Variants in CELF6 observed in about 807,000 individuals in gnomAD.
The protein encoded by CELF6 is Bruno -like 6, RNA binding protein.
CELF6 carries 32 observed loss-of-function variants against 53.1 expected under a neutral mutation model. The observed-to-expected ratio is 0.60, with a 90% CI of 0.46 to 0.81. The LOEUF is 0.81. Among genes scored for constraint, CELF6 ranks in the 30% least tolerant of loss-of-function variants. CELF6 has a pLI of 0.00. For synonymous variants in CELF6, 291 were observed against 288.8 expected, an observed-to-expected ratio of 1.01 and a Z score of -0.08; for missense variants, 539 against 669.5, an observed-to-expected ratio of 0.81 and a Z score of 2.15.
In CELF6 at chr15:72,319,339, C is replaced by A. The variant is rs1595788662; in HGVS notation, c.262+274G>T. Among the ~76,000 whole-genome samples the A allele has an allele frequency of 6.6e-6, 1 of 152,048 alleles. No homozygotes were observed. The highest frequency in any genetic ancestry group is 2.4e-5 in the African/African-American group (1 of 41,454). On this transcript the variant is annotated intron_variant, in intron 1 of 12. Coordinates refer to ENST00000287202, the MANE Select transcript of CELF6 (RefSeq NM_052840.5). The surrounding 1 kb of genome is among the most constrained non-coding windows in gnomAD (Gnocchi z 5.0). Reference sequence around the variant, plus strand: ...CTGATGGGAGAGGTGGTGGAAAGGTCCAATTGAAAGGCAGGGACTGCTGGG... The same window carrying A: ...CTGATGGGAGAGGTGGTGGAAAGGTACAATTGAAAGGCAGGGACTGCTGGG...
Position 72,313,978 on chromosome 15 carries a change from C to T in CELF6, c.345+1867G>A, listed in dbSNP as rs1302572470. Among the ~76,000 whole-genome samples, 9 of 152,210 alleles carry T rather than the reference C, an allele frequency of 5.9e-5. 1 individual carries two copies. The highest frequency in any genetic ancestry group is 5.9e-4 in the Admixed American group (9 of 15,286). ...AACTTTACAGGTGAGGAAACTTAGG[C>T]TTAGCAGTAAAGACTTGCCCAAAGT... On this transcript the variant is annotated intron_variant, in intron 2 of 12. Transcript: ENST00000287202.
Position 72,288,341 on chromosome 15 carries a change from CAA to C in CELF6, c.1283_1284del (p.Phe428CysfsTer15), listed in dbSNP as rs1271627453. The C allele has an allele frequency of 6.2e-7, 1 of 1,614,152 alleles. No homozygotes were observed. On this transcript the variant is annotated frameshift_variant, in exon 11 of 13. Coordinates refer to ENST00000287202, the MANE Select transcript of CELF6 (RefSeq NM_052840.5). LOFTEE classifies it high-confidence loss of function. This position sits in a 1 kb window ranked among gnomAD's most constrained non-coding sequence, Gnocchi z 4.6. ...PFGAVVSAKV[F>X]VDRATNQSKC... Reference sequence around the variant, plus strand: ...TTGCTCTGGTTGGTGGCTCGATCCACAAAGACTTTAGCAGAGACAACGGCTCC... The same window carrying C: ...TTGCTCTGGTTGGTGGCTCGATCCACAGACTTTAGCAGAGACAACGGCTCC...
rs1174448892 is a variant in CELF6, at chr15:72,289,650, C to A, written c.724G>T (p.Ala242Ser). The stretch of plus-strand genomic sequence containing the variant: ...ACCGCCGTGGTGTAGGCGCCGCAGG[C>A]CCCTAGCGGCAGTGGCGCGGGGTGG... ...AFHPAPLPLG[A>S]CGAYTTAILQ... Residue 242 changes from alanine to serine, a missense_variant, in exon 6 of 13, where the codon GCC (alanine) becomes TCC (serine). Coordinates refer to ENST00000287202, the MANE Select transcript of CELF6 (RefSeq NM_052840.5). This position sits in a 1 kb window ranked among gnomAD's most constrained non-coding sequence, Gnocchi z 7.6. The A allele has an allele frequency of 4.7e-6, 7 of 1,501,276 alleles. No homozygotes were observed. Among genetic ancestry groups the A allele is most frequent in the Admixed American group, 2.3e-5 (1 of 44,328 alleles). The allele number at this position is 1,501,276 out of a possible 1,614,324, so 93.0% of individuals were successfully genotyped here.
Position 72,291,489 on chromosome 15 carries a change from A to G in CELF6, c.395-1234T>C, listed in dbSNP as rs867642841. Among the ~76,000 whole-genome samples, 8 of 152,274 alleles carry G rather than the reference A, an allele frequency of 5.3e-5. No homozygotes were observed. The South Asian group carries it at 6.2e-4, about 12-fold the overall frequency. On this transcript the variant is annotated intron_variant, in intron 3 of 12. Coordinates refer to ENST00000287202, the MANE Select transcript of CELF6 (RefSeq NM_052840.5). ...TGGAGTGCAGGAAAACCCATCCTAA[A>G]TGGTTCTACTCCTTGACCAGCTTGG... is the stretch of plus-strand genomic sequence containing the variant.
chr15:72,293,552 C>T (rs1387308091), intron 3 of CELF6, among the ~76,000 whole-genome samples: 3 of 152,176 alleles, frequency 2.0e-5, no homozygotes, highest in Admixed American at 1.3e-4. Flanking sequence ...CAAACATGGA[C>T]GCTCAACCTT....
chr15:72,317,821 A>C (rs2088380789), intron 1 of CELF6, among the ~76,000 whole-genome samples: 1 of 152,184 alleles, frequency 6.6e-6, no homozygotes, highest in Non-Finnish European at 1.5e-5. Context: ...CCTGTCTGAA[A>C]GGCTCAGGGG....
intron 2 of CELF6, among the ~76,000 whole-genome samples, chr15:72,311,389 G>A (rs2088293790): frequency 6.7e-6 from 1 of 150,214 alleles, no homozygotes. Flanking sequence ...GAGATGCAAT[G>A]AGGCTCACCT....
At chr15:72,290,093 G>A in intron 4 of CELF6, 34 bp downstream of exon 4, 1 of 1,613,172 alleles carries the variant, frequency 6.2e-7, no homozygotes, top group African/African-American at 1.3e-5. Context: ...GTGAGGAAGG[G>A]TCACCAGGAA....
chr15:72,302,152 C>G (rs2088165898), intron 3 of CELF6, among the ~76,000 whole-genome samples: 1 of 152,218 alleles, frequency 6.6e-6, no homozygotes, highest in East Asian at 1.9e-4. Context: ...TAATGATTAT[C>G]TAACACAGAT....
Position 72,290,195 on chromosome 15 carries a change from C to A in CELF6, c.455G>T (p.Arg152Leu), listed in dbSNP as rs34566074. 2 of 1,613,772 alleles carry A rather than the reference C, an allele frequency of 1.2e-6. No homozygotes were observed. The highest frequency in any genetic ancestry group is 2.2e-5 in the South Asian group (2 of 91,026). The change falls in exon 4 of 13, where the codon CGC becomes CTC. Residue 152 changes from arginine to leucine, a missense_variant. By Grantham distance (102) the Arg-to-Leu change is moderately radical. Transcript: ENST00000287202. ...GKQQGEEDVR[R>L]LFQPFGHIEE... ...GATGTGGCCAAAGGGCTGGAACAGGCGTCTGACGTCCTCCTCACCCTGCTG... is the reference window on the plus strand; with the variant it reads ...GATGTGGCCAAAGGGCTGGAACAGGAGTCTGACGTCCTCCTCACCCTGCTG...
chr15:72,288,803 C>T lies in CELF6; in HGVS notation c.1093+65G>A. On this transcript the variant is annotated intron_variant, in intron 9 of 12. Transcript: ENST00000287202. This position sits in a 1 kb window ranked among gnomAD's most constrained non-coding sequence, Gnocchi z 4.6. Reference sequence around the variant, plus strand: ...CTTGGAACAGAGCCTAAATCCCCCACAACTCTCCCTATTTCTTTCTAGGGC... The same window carrying T: ...CTTGGAACAGAGCCTAAATCCCCCATAACTCTCCCTATTTCTTTCTAGGGC... 1 of 1,466,396 alleles carries T rather than the reference C, an allele frequency of 6.8e-7. No homozygotes were observed. The highest frequency in any genetic ancestry group is 9.3e-7 in the Non-Finnish European group (1 of 1,069,788). The allele number at this position is 1,466,396 out of a possible 1,614,324, so 90.8% of individuals were successfully genotyped here.
chr15:72,288,301 A>G lies in CELF6; in HGVS notation c.1318+7T>C. 1.1e-5 allele frequency: 17 copies of G among 1,614,104 alleles called. No homozygotes were observed. Among genetic ancestry groups the G allele is most frequent in the Non-Finnish European group, 1.4e-5 (17 of 1,179,994 alleles). Reference sequence around the variant, plus strand: ...GGGAGAGGCCTAGGGGTAGGTTCTCAGCTCACCAAAACACTTGCTCTGGTT... The same window carrying G: ...GGGAGAGGCCTAGGGGTAGGTTCTCGGCTCACCAAAACACTTGCTCTGGTT... On this transcript the variant is annotated splice_region_variant and intron_variant, in intron 11 of 12. Coordinates refer to ENST00000287202, the MANE Select transcript of CELF6 (RefSeq NM_052840.5). This position sits in a 1 kb window ranked among gnomAD's most constrained non-coding sequence, Gnocchi z 4.6.
intron 3 of CELF6, among the ~76,000 whole-genome samples, chr15:72,297,756 T>G (rs1224669415): frequency 6.6e-6 from 1 of 152,202 alleles, no homozygotes. Context: ...AAATGGAGAA[T>G]CATTTAATGG....
At chr15:72,287,422 G>C (rs865826368) in intron 11 of CELF6, 30 bp from the exon 12 acceptor site, 8 of 1,612,644 alleles carry the variant, frequency 5.0e-6, no homozygotes, top group Non-Finnish European at 6.8e-6. Flanking sequence ...AGATTAGCTG[G>C]GGACTCTGCC....
chr15:72,288,605 C>A lies in CELF6; in HGVS notation c.1107G>T (p.Ser369=). Residue 369 remains serine, a synonymous_variant, in exon 10 of 13, where the codon TCG becomes TCT. Coordinates refer to ENST00000287202, the MANE Select transcript of CELF6 (RefSeq NM_052840.5). This position sits in a 1 kb window ranked among gnomAD's most constrained non-coding sequence, Gnocchi z 4.6. Reference sequence around the variant, plus strand: ...AAGCTGTGCTCACTGGGGCATAGGCCGACGGATAGGCTGCTGGAGACAGAG... The same window carrying A: ...AAGCTGTGCTCACTGGGGCATAGGCAGACGGATAGGCTGCTGGAGACAGAG... ...GMHHYAAAYP[S]AYAPVSTAFP... The A allele has an allele frequency of 6.4e-7, 1 of 1,563,958 alleles. No homozygotes were observed. Among genetic ancestry groups the A allele is most frequent in the African/African-American group, 1.4e-5 (1 of 73,686 alleles).
chr15:72,287,006 ACT>A (rs1423785642), intron 12 of CELF6, among the ~76,000 whole-genome samples: 5 of 152,286 alleles, frequency 3.3e-5, no homozygotes, highest in Admixed American at 1.3e-4. Context: ...AGGCAGAAAG[ACT>A]CTGATTGTCT....
chr15:72,300,051 C>G (rs542504756), intron 3 of CELF6, among the ~76,000 whole-genome samples: 1 of 152,214 alleles, frequency 6.6e-6, no homozygotes, highest in African/African-American at 2.4e-5. Context: ...TTACCAATAA[C>G]TATTAAAAGT....
rs1184734351 is a variant in CELF6, at chr15:72,304,784, G to A, written c.356C>T (p.Pro119Leu). The change falls in exon 3 of 13, where the codon CCG (proline) becomes CTG (leucine). Residue 119 changes from proline to leucine, a missense_variant. By Grantham distance (98) the Pro-to-Leu change is moderately conservative (BLOSUM62 -3). This residue lies in a region of CELF6 where 97 missense variants were observed against 168.8 expected (regional missense o/e 0.57). Coordinates refer to ENST00000287202, the MANE Select transcript of CELF6 (RefSeq NM_052840.5). ...EQKTLPGMNR[P>L]IQVKPAASEG... ...ACTGGCAGCTGGCTTCACTTGGATC[G>A]GACGATTCATCTGAAAGACATCGGA... 3.1e-6 allele frequency: 5 copies of A among 1,614,110 alleles called. No homozygotes were observed. The highest frequency in any genetic ancestry group is 3.4e-6 in the Non-Finnish European group (4 of 1,180,000).
At chr15:72,293,521 A>T (rs1189832426) in intron 3 of CELF6, among the ~76,000 whole-genome samples, 1 of 152,216 alleles carries the variant, frequency 6.6e-6, no homozygotes, top group Non-Finnish European at 1.5e-5. Flanking sequence ...GGTGGGTAGT[A>T]TCCTAGAAAG....
Sources: gnomAD v4.1 joint callset for allele counts (sites outside exome capture counted in the v4.1 genomes callset) on GRCh38, gnomAD v4.1.1 for gene constraint, gnomAD v4.1.1 regional missense constraint, Gnocchi (gnomAD v3.1) non-coding constraint, MANE v1.5 for transcripts, NCBI Gene and HGNC (gene_info 2026-07-23, HGNC 2026-07-21) for gene names.